Variants in CFAP52 observed in about 807,000 individuals in gnomAD.
CFAP52 encodes cilia and flagella associated protein 52, also known as cilia- and flagella-associated protein 52.
In CFAP52, 57 loss-of-function variants were observed where a neutral mutation model predicts 70.5. The observed-to-expected ratio is 0.81, with a 90% CI of 0.65 to 1.01. The LOEUF (loss-of-function observed/expected upper bound fraction) is 1.01. Among genes scored for constraint, CFAP52 ranks in the 50% least tolerant of loss-of-function variants. The probability of loss-of-function intolerance (pLI) is 0.00; values close to 1 mark genes in which losing one functional copy is unlikely to be tolerated. For missense variants in CFAP52, 785 were observed against 788.5 expected, an observed-to-expected ratio of 1.00 and a Z score of 0.05; for synonymous variants, 267 against 292.5, an observed-to-expected ratio of 0.91 and a Z score of 0.89.
chr17:9,643,242 G>A lies in CFAP52; in HGVS notation c.*44G>A. ...GAGCCTTGGCGTTGCACGCAGTCCTGTTGAAGACTGAGTTTAGATAACTCC... is the reference window on the plus strand; with the variant it reads ...GAGCCTTGGCGTTGCACGCAGTCCTATTGAAGACTGAGTTTAGATAACTCC... On this transcript the variant is annotated 3_prime_UTR_variant, in exon 14 of 14. Coordinates refer to ENST00000352665, the MANE Select transcript of CFAP52 (RefSeq NM_145054.5). 6.9e-7 allele frequency: 1 copy of A among 1,458,302 alleles called. No homozygotes were observed. The highest frequency in any genetic ancestry group is 9.1e-7 in the Non-Finnish European group (1 of 1,096,924). 90.3% of individuals were successfully genotyped at this position (1,458,302 alleles called of 1,614,324 possible).
intron 4 of CFAP52, among the ~76,000 whole-genome samples, chr17:9,596,803 C>T (rs530848281): frequency 6.6e-6 from 1 of 152,122 alleles, no homozygotes; most frequent in South Asian, 2.1e-4. Flanking sequence ...GCAACCTCCA[C>T]CTCCCAGGTA....
rs544376943 is a variant in CFAP52, at chr17:9,586,963, T to A, written c.407+129T>A. 2.6e-6 allele frequency: 3 copies of A among 1,161,962 alleles called. No homozygotes were observed. The South Asian group carries it at 5.4e-5, about 21-fold the overall frequency. The allele number at this position is 1,161,962 out of a possible 1,614,324, so 72.0% of individuals were successfully genotyped here. On this transcript the variant is annotated intron_variant, in intron 3 of 13. Transcript: ENST00000352665. Reference sequence around the variant, plus strand: ...CGGGTTTGTTGTACAGATTATTTCATCAACCAGGTGCTCAGCCTAGTACCC... The same window carrying A: ...CGGGTTTGTTGTACAGATTATTTCAACAACCAGGTGCTCAGCCTAGTACCC...
chr17:9,594,669 T>C (rs760122542), intron 4 of CFAP52, among the ~76,000 whole-genome samples: 8 of 152,164 alleles, frequency 5.3e-5, no homozygotes, highest in Admixed American at 1.3e-4. Flanking sequence ...CTGCTCTTGA[T>C]TGGGGTCTCA....
At position 9,638,717 on chromosome 17, in the gene CFAP52, T is replaced by A. The variant is rs777042524; in HGVS notation, c.1575+6T>A. On this transcript the variant is annotated splice_donor_region_variant and intron_variant, in intron 12 of 13. Transcript: ENST00000352665. The stretch of plus-strand genomic sequence containing the variant: ...CCAGCGGAACAGACAGAAAGGTGAG[T>A]CCTCCCAGTGAGAGATGAGATCTTT... 3.1e-6 allele frequency: 5 copies of A among 1,613,074 alleles called. No individual in the cohort carries two copies. Among genetic ancestry groups the A allele is most frequent in the Non-Finnish European group, 4.2e-6 (5 of 1,179,274 alleles).
chr17:9,591,385 T>C (rs973380372), intron 3 of CFAP52, among the ~76,000 whole-genome samples: 6 of 152,164 alleles, frequency 3.9e-5, no homozygotes, highest in Non-Finnish European at 5.9e-5. Flanking sequence ...ACTTTTTCCA[T>C]TGATGTCATC....
chr17:9,600,004 G>C, intron 5 of CFAP52, 63 bp from the exon 6 acceptor site: 1 of 1,427,434 alleles, frequency 7.0e-7, no homozygotes, highest in Non-Finnish European at 9.9e-7. Flanking sequence ...GCCTCCCAAA[G>C]TGCTGATATT....
At chr17:9,579,382 A>T (rs1908112894) in intron 1 of CFAP52, among the ~76,000 whole-genome samples, 1 of 152,138 alleles carries the variant, frequency 6.6e-6, no homozygotes, top group African/African-American at 2.4e-5. Flanking sequence ...AACGGCAAAT[A>T]GCTTGGGGTG....
chr17:9,601,099 C>T (rs567794271), intron 6 of CFAP52, among the ~76,000 whole-genome samples: 5 of 152,102 alleles, frequency 3.3e-5, no homozygotes, highest in African/African-American at 1.2e-4. Flanking sequence ...AGGATGAGTT[C>T]ATGTCCTTTG....
intron 8 of CFAP52, among the ~76,000 whole-genome samples, chr17:9,614,138 CTTTTTCT>C (rs1909816753): frequency 1.1e-4 from 16 of 144,704 alleles, no homozygotes; most frequent in African/African-American, 3.8e-4. Context: ...TTTTCCTTTT[CTTTTTCT>C]TTTCTTTCTT....
chr17:9,601,737 G>A (rs1271100987), intron 6 of CFAP52, among the ~76,000 whole-genome samples: 2 of 152,148 alleles, frequency 1.3e-5, no homozygotes, highest in Non-Finnish European at 2.9e-5. Context: ...TACCATCAAA[G>A]GATAATTTTA....
intron 7 of CFAP52, among the ~76,000 whole-genome samples, chr17:9,611,386 ACT>A (rs1186401378): frequency 6.6e-6 from 1 of 151,716 alleles, no homozygotes; most frequent in African/African-American, 2.4e-5. Flanking sequence ...ACAGAGTCTC[ACT>A]CTGTCATCCA....
intron 1 of CFAP52, among the ~76,000 whole-genome samples, chr17:9,578,244 A>T (rs1234000831): frequency 6.6e-6 from 1 of 152,236 alleles, no homozygotes; most frequent in Admixed American, 6.5e-5. Flanking sequence ...TGGAGACCTA[A>T]CATTTAAATG....
chr17:9,628,514 G>GT (rs1766530605), intron 8 of CFAP52, among the ~76,000 whole-genome samples, 158 bp from the exon 9 acceptor site: 1 of 152,004 alleles, frequency 6.6e-6, no homozygotes, highest in Non-Finnish European at 1.5e-5. Context: ...TCCTGACCTC[G>GT]TGATCCACCC....
At chr17:9,586,133 G>A (rs897184234) in intron 2 of CFAP52, among the ~76,000 whole-genome samples, 161 bp downstream of exon 2, 1 of 151,918 alleles carries the variant, frequency 6.6e-6, no homozygotes, top group African/African-American at 2.4e-5. Flanking sequence ...CGTCAGACCG[G>A]GAGTGAAGGA....
chr17:9,590,430 C>T, intron 3 of CFAP52: 1 of 204,078 alleles, frequency 4.9e-6, no homozygotes, highest in South Asian at 9.6e-5. Flanking sequence ...CTTCTTTTTG[C>T]CACGGCAGAG....
At chr17:9,608,361 C>T (rs1472404526) in intron 7 of CFAP52, 142 bp downstream of exon 7, 4 of 644,164 alleles carry the variant, frequency 6.2e-6, no homozygotes, top group Non-Finnish European at 9.8e-6. Context: ...TAGTTGGAAT[C>T]ACAATAGATG....
intron 9 of CFAP52, among the ~76,000 whole-genome samples, chr17:9,632,051 G>A (rs1276534214): frequency 2.0e-5 from 3 of 149,026 alleles, no homozygotes; most frequent in African/African-American, 7.5e-5. Context: ...GGGATTACAG[G>A]TATGAGCCAC....
intron 13 of CFAP52, among the ~76,000 whole-genome samples, chr17:9,642,232 G>A (rs182967629): frequency 6.6e-6 from 1 of 152,132 alleles, no homozygotes. Flanking sequence ...CAAAACAAAT[G>A]AATTAACCAA....
In CFAP52 at chr17:9,585,979, A is replaced by G. The variant is rs186937052; in HGVS notation, c.270+7A>G. ...CACATTCATGGGGTTCAAGGTGAAT[A>G]CAGTGAAAACGACTCATTGTCAATT... On this transcript the variant is annotated splice_region_variant and intron_variant, in intron 2 of 13. Coordinates refer to ENST00000352665, the MANE Select transcript of CFAP52 (RefSeq NM_145054.5). 4 of 1,613,438 alleles carry G rather than the reference A, an allele frequency of 2.5e-6. No individual in the cohort carries two copies. In the Admixed American group the frequency reaches 6.7e-5, roughly 27 times the overall value.
Sources: gnomAD v4.1 joint callset for allele counts (sites outside exome capture counted in the v4.1 genomes callset) on GRCh38, gnomAD v4.1.1 for gene constraint, MANE v1.5 for transcripts, NCBI Gene and HGNC (gene_info 2026-07-23, HGNC 2026-07-21) for gene names.